Variants in SNRNP48 observed in about 807,000 individuals in gnomAD.
SNRNP48 encodes the protein small nuclear ribonucleoprotein U11/U12 subunit 48.
Under a neutral mutation model 47.0 loss-of-function variants are expected in SNRNP48, and 43 were observed. The ratio of observed to expected loss-of-function variants is 0.92; its 90% CI spans 0.72 to 1.18. The LOEUF is 1.18. Ranked by LOEUF, SNRNP48 falls within the 50% of genes most tolerant of loss-of-function variation. The pLI is 0.00. For synonymous variants in SNRNP48, 138 were observed against 144.0 expected (o/e 0.96, Z 0.30); for missense variants, 396 against 422.2 (o/e 0.94, Z 0.54).
intron 4 of SNRNP48, chr6:7,600,014 A>T: frequency 8.0e-6 from 8 of 1,005,636 alleles, no homozygotes; most frequent in Non-Finnish European, 8.3e-6. Context: ...TTTTCCTCCC[A>T]AATTTTTATA....
At chr6:7,596,113 A>G (rs1188509904) in intron 4 of SNRNP48, among the ~76,000 whole-genome samples, 1 of 152,122 alleles carries the variant, frequency 6.6e-6, no homozygotes, top group African/African-American at 2.4e-5. Context: ...AAAAATGCAA[A>G]AATTAGCCGG....
At chr6:7,593,271 A>T (rs1260038984) in intron 1 of SNRNP48, among the ~76,000 whole-genome samples, 1 of 152,108 alleles carries the variant, frequency 6.6e-6, no homozygotes, top group Non-Finnish European at 1.5e-5. Flanking sequence ...GACCAAGTAG[A>T]AGAAGCCAGA....
At chr6:7,600,345 C>A in intron 4 of SNRNP48, 1 of 278,430 alleles carries the variant, frequency 3.6e-6, no homozygotes, top group Non-Finnish European at 5.5e-6. Context: ...TAGACTTTAT[C>A]AAATATAAGT....
At chr6:7,598,365 C>A (rs1391016875) in intron 4 of SNRNP48, among the ~76,000 whole-genome samples, 1 of 151,818 alleles carries the variant, frequency 6.6e-6, no homozygotes, top group African/African-American at 2.4e-5. Flanking sequence ...CGCTATGGTG[C>A]GTGCCTGTAA....
chr6:7,600,525 C>T (rs539231922), intron 4 of SNRNP48: 1 of 152,268 alleles, frequency 6.6e-6, no homozygotes, highest in African/African-American at 2.4e-5. Context: ...CAGTTCCAAT[C>T]ATTTTTTTAT....
Position 7,590,222 on chromosome 6 carries a change from G to A in SNRNP48, c.-36G>A. On this transcript the variant is annotated 5_prime_UTR_variant, in exon 1 of 9. Transcript: ENST00000342415. ...CAGAGGCCTGCGCGTGCGGTCTGCA[G>A]TTCGGCCGCTTCCTCTTGGCGGGTG... The A allele has an allele frequency of 7.8e-7, 1 of 1,281,360 alleles. No individual in the cohort carries two copies. Among genetic ancestry groups the A allele is most frequent in the Non-Finnish European group, 9.9e-7 (1 of 1,006,336 alleles). The allele number at this position is 1,281,360 out of a possible 1,614,324, so 79.4% of individuals were successfully genotyped here.
rs374940989 is a variant in SNRNP48, at chr6:7,592,920, G to A, written c.157-814G>A. ...GATTGATTGGACGTGGGTGATGAGG[G>A]AGAAGTAGTTTCTTGCTTGAGCAAG... On this transcript the variant is annotated intron_variant, in intron 1 of 8. Coordinates refer to ENST00000342415, the MANE Select transcript of SNRNP48 (RefSeq NM_152551.4). Among the ~76,000 whole-genome samples, 6 of 152,242 alleles carry A rather than the reference G, an allele frequency of 3.9e-5. No individual in the cohort carries two copies. The South Asian group carries it at 1.0e-3, about 26-fold the overall frequency.
At chr6:7,594,229 A>C (rs1270520991) in intron 3 of SNRNP48, 70 bp downstream of exon 3, 26 of 716,096 alleles carry the variant, frequency 3.6e-5, no homozygotes, top group Admixed American at 2.5e-4. Context: ...TTGCATTATG[A>C]AAAGAATGGA....
At chr6:7,590,512 A>G in intron 1 of SNRNP48, 99 bp downstream of exon 1, 1 of 1,209,576 alleles carries the variant, frequency 8.3e-7, no homozygotes, top group Non-Finnish European at 1.0e-6. Context: ...GGGAAGGGCG[A>G]GGAGTCCTCG....
chr6:7,608,255 A>G (rs1033671220), intron 8 of SNRNP48, among the ~76,000 whole-genome samples: 2 of 152,130 alleles, frequency 1.3e-5, no homozygotes, highest in Admixed American at 6.6e-5. Context: ...TGAAAAATGC[A>G]TTATTAAAAC....
Position 7,590,284 on chromosome 6 carries a change from G to C in SNRNP48, c.27G>C (p.Glu9Asp), listed in dbSNP as rs150941144. ...TGGAGGGCGAGCCTCCACCTGTGGA[G>C]GAGCGGCGGCGGCTGCAGGAGGAGC... MEGEPPPVEERRRLQEELN... is the reference protein window; with the variant it reads MEGEPPPVDERRRLQEELN... Residue 9 changes from glutamate to aspartate, a missense_variant, in exon 1 of 9, where the codon GAG (glutamate) becomes GAC (aspartate). Physicochemically the swap from Glu to Asp is conservative, Grantham distance 45 (BLOSUM62 2). Transcript: ENST00000342415. The C allele has an allele frequency of 1.5e-4, 209 of 1,375,304 alleles. 1 individual carries two copies. In the African/African-American group the frequency reaches 2.7e-3, roughly 18 times the overall value. 85.2% of individuals were successfully genotyped at this position (1,375,304 alleles called of 1,614,324 possible).
In SNRNP48 at chr6:7,595,117, G is replaced by C. The variant is rs759881460; in HGVS notation, c.406+16G>C. The C allele has an allele frequency of 9.1e-6, 14 of 1,544,604 alleles. No homozygotes were observed. Among genetic ancestry groups the C allele is most frequent in the Non-Finnish European group, 1.2e-5 (14 of 1,147,448 alleles). ...TATAATCAAAGTAAGTGGCATTACA[G>C]TTTAAGTGAATTAAAGAATGAAATT... On this transcript the variant is annotated intron_variant, in intron 4 of 8. Transcript: ENST00000342415.
At chr6:7,602,566 T>G in intron 5 of SNRNP48, 57 bp from the exon 6 acceptor site, 1 of 1,316,494 alleles carries the variant, frequency 7.6e-7, no homozygotes, top group Non-Finnish European at 1.0e-6. Context: ...TATTTGATAA[T>G]TCATAGAATT....
At chr6:7,601,170 T>G (rs903581592) in intron 4 of SNRNP48, 166 bp from the exon 5 acceptor site, 3 of 525,750 alleles carry the variant, frequency 5.7e-6, no homozygotes, top group Non-Finnish European at 9.7e-6. Context: ...AGGATAGAAT[T>G]GTTTGTCATT....
chr6:7,606,334 T>G, intron 8 of SNRNP48, 139 bp downstream of exon 8: 1 of 849,788 alleles, frequency 1.2e-6, no homozygotes, highest in Non-Finnish European at 1.8e-6. Context: ...TGACGATGAT[T>G]CTTAACATTC....
At chr6:7,591,769 G>A (rs1007590496) in intron 1 of SNRNP48, among the ~76,000 whole-genome samples, 4 of 152,142 alleles carry the variant, frequency 2.6e-5, no homozygotes, top group Non-Finnish European at 5.9e-5. Context: ...TTTTATAGAC[G>A]AGGAAAGGAA....
Position 7,602,648 on chromosome 6 carries a change from C to G in SNRNP48, c.621C>G (p.Ser207=). ...NQDNSRKSPK[S]YLEILAEVRD... is the part of the protein sequence containing the mutation. ...ACAATAGTCGAAAAAGTCCAAAATCCTACCTTGAAATCCTGGCAGAAGTAC... is the reference window on the plus strand; with the variant it reads ...ACAATAGTCGAAAAAGTCCAAAATCGTACCTTGAAATCCTGGCAGAAGTAC... The change falls in exon 6 of 9, where the codon TCC becomes TCG. Residue 207 remains serine (S), a synonymous_variant. Transcript: ENST00000342415. 1 of 1,598,482 alleles carries G rather than the reference C, an allele frequency of 6.3e-7. No homozygotes were observed. The highest frequency in any genetic ancestry group is 8.5e-7 in the Non-Finnish European group (1 of 1,173,782).
In SNRNP48 at chr6:7,596,158, A is replaced by C. The variant is rs568249831; in HGVS notation, c.406+1057A>C. 6.6e-5 allele frequency among the ~76,000 whole-genome samples: 10 copies of C among 152,152 alleles called. No individual in the cohort carries two copies. The South Asian group carries it at 1.5e-3, about 22-fold the overall frequency. On this transcript the variant is annotated intron_variant, in intron 4 of 8. Coordinates refer to ENST00000342415, the MANE Select transcript of SNRNP48 (RefSeq NM_152551.4). Reference sequence around the variant, plus strand: ...CAAGCACCTGTAATCCCAGCTACTCAGGAGACCGAGGCAGGAAGAATTGCT... The same window carrying C: ...CAAGCACCTGTAATCCCAGCTACTCCGGAGACCGAGGCAGGAAGAATTGCT...
chr6:7,597,920 T>C (rs1316659838), intron 4 of SNRNP48, among the ~76,000 whole-genome samples: 1 of 150,572 alleles, frequency 6.6e-6, no homozygotes, highest in South Asian at 2.1e-4. Flanking sequence ...GGCTGGAGTT[T>C]AGTGGCACAA....
Sources: gnomAD v4.1 joint callset for allele counts (sites outside exome capture counted in the v4.1 genomes callset) on GRCh38, gnomAD v4.1.1 for gene constraint, MANE v1.5 for transcripts, NCBI Gene and HGNC (gene_info 2026-07-23, HGNC 2026-07-21) for gene names.